CCDC178: variants seen among roughly 807,000 people sequenced by gnomAD.
The protein encoded by CCDC178 is coiled-coil domain containing 178.
Under a neutral mutation model 117.4 loss-of-function variants are expected in CCDC178, and 126 were observed. The observed-to-expected ratio is 1.07, with a 90% CI of 0.93 to 1.24. The LOEUF (loss-of-function observed/expected upper bound fraction) is 1.24, where lower values mean the gene tolerates loss of function less well. Ranked by LOEUF, CCDC178 falls within the 50% of genes most tolerant of loss-of-function variation. CCDC178 has a pLI of 0.00. For synonymous variants in CCDC178, 283 were observed against 313.4 expected, an observed-to-expected ratio of 0.90 and a Z score of 1.02; for missense variants, 1,030 against 986.9, an observed-to-expected ratio of 1.04 and a Z score of -0.59.
intron 14 of CCDC178, among the ~76,000 whole-genome samples, chr18:33,265,002 A>G (rs964245797): frequency 3.9e-5 from 6 of 152,030 alleles, no homozygotes; most frequent in African/African-American, 1.4e-4. Flanking sequence ...GACTCTTCAG[A>G]TGTTTGTTTG....
intron 2 of CCDC178, among the ~76,000 whole-genome samples, chr18:33,425,945 A>C (rs753777768): frequency 6.6e-6 from 1 of 152,098 alleles, no homozygotes; most frequent in Non-Finnish European, 1.5e-5. Context: ...TTTTCATCTC[A>C]TCTCTGTAGA....
intron 14 of CCDC178, among the ~76,000 whole-genome samples, chr18:33,257,749 C>T (rs529977499): frequency 5.8e-4 from 88 of 152,202 alleles, no homozygotes; most frequent in African/African-American, 2.0e-3. Context: ...ACATCTCAAA[C>T]TGTCCCATTG....
chr18:33,154,839 A>G (rs958885246), intron 20 of CCDC178, among the ~76,000 whole-genome samples: 2 of 152,274 alleles, frequency 1.3e-5, no homozygotes, highest in Admixed American at 6.5e-5. Context: ...TTAAAAAGAT[A>G]TAACAGTCAT....
intron 20 of CCDC178, among the ~76,000 whole-genome samples, chr18:33,196,491 C>T (rs558990798): frequency 3.9e-5 from 6 of 152,210 alleles, no homozygotes; most frequent in African/African-American, 7.2e-5. Flanking sequence ...TTCTGAATTT[C>T]GTGAGCTTTC....
intron 21 of CCDC178, among the ~76,000 whole-genome samples, chr18:33,058,264 G>A (rs1158559344): frequency 3.9e-5 from 6 of 152,164 alleles, no homozygotes; most frequent in East Asian, 1.9e-4. Context: ...ATCACCTAAG[G>A]AGTGATTTAA....
At chr18:33,124,457 A>G (rs1598907719) in intron 20 of CCDC178, among the ~76,000 whole-genome samples, 1 of 152,182 alleles carries the variant, frequency 6.6e-6, no homozygotes, top group Non-Finnish European at 1.5e-5. Flanking sequence ...GCCAATAAAT[A>G]GCTGATACCA....
intron 20 of CCDC178, among the ~76,000 whole-genome samples, chr18:33,161,663 A>G (rs887370915): frequency 5.9e-5 from 9 of 152,168 alleles, no homozygotes; most frequent in Non-Finnish European, 1.3e-4. Flanking sequence ...CTATCCATTC[A>G]CAATTACCTT....
chr18:32,988,906 A>G (rs1387796035), intron 21 of CCDC178, among the ~76,000 whole-genome samples: 4 of 152,110 alleles, frequency 2.6e-5, no homozygotes, highest in Non-Finnish European at 5.9e-5. Flanking sequence ...ACAGAACTTA[A>G]ACTGACTTGT....
intron 5 of CCDC178, among the ~76,000 whole-genome samples, chr18:33,379,125 A>T (rs1478350368): frequency 0.015 from 103 of 6,796 alleles, 1 homozygote; most frequent in African/African-American, 0.016. Context: ...ATATATATAT[A>T]ATATATATAT....
rs368206055 is a variant in CCDC178, at chr18:33,341,902, G to A, written c.658+4309C>T. ...TATTAAAAATTTACTGACAACTTTG[G>A]GCTTAAACAGTTTGGCATGGATTAA... On this transcript the variant is annotated intron_variant, in intron 9 of 22. Transcript: ENST00000383096. Among the ~76,000 whole-genome samples, 8 of 152,046 alleles carry A rather than the reference G, an allele frequency of 5.3e-5. No homozygotes were observed. The South Asian group carries it at 8.3e-4, about 16-fold the overall frequency.
chr18:33,062,262 A>T (rs996029746), intron 21 of CCDC178, among the ~76,000 whole-genome samples: 2 of 152,242 alleles, frequency 1.3e-5, no homozygotes, highest in African/African-American at 4.8e-5. Flanking sequence ...ATGTTAAGGT[A>T]CTGGCAAGAA....
chr18:33,203,376 G>T (rs1568053554), intron 20 of CCDC178, among the ~76,000 whole-genome samples: 1 of 151,474 alleles, frequency 6.6e-6, no homozygotes, highest in East Asian at 1.9e-4. Context: ...TTTTTATTAG[G>T]CATTATCTTC....
chr18:33,422,934 T>G (rs931015182), intron 2 of CCDC178, among the ~76,000 whole-genome samples: 1 of 152,212 alleles, frequency 6.6e-6, no homozygotes. Context: ...ATATGACACA[T>G]ATACATCTTT....
chr18:33,440,626 G>C lies in CCDC178; in HGVS notation c.-143+27C>G, dbSNP rs2064373877. ...CCCGCGCCGAGGCACAAGCGCCCGC[G>C]CCGAGGCACAAGCGCCCCCGACTCA... On this transcript the variant is annotated intron_variant, in intron 1 of 22. Transcript: ENST00000383096. 4.6e-5 allele frequency: 7 copies of C among 152,136 alleles called. No individual in the cohort carries two copies. The South Asian group carries it at 1.4e-3, about 31-fold the overall frequency. The allele number at this position is 152,136 out of a possible 1,614,324, so 9.4% of individuals were successfully genotyped here. A position where few individuals can be genotyped will look rare whatever the true frequency, so the allele number is the denominator to read the frequency against.
intron 5 of CCDC178, among the ~76,000 whole-genome samples, chr18:33,385,178 T>C (rs559334614): frequency 5.3e-5 from 8 of 152,328 alleles, no homozygotes; most frequent in African/African-American, 1.9e-4. Context: ...ATCCTAAATA[T>C]ATGTGTACCC....
chr18:33,315,755 C>A (rs889528249), intron 11 of CCDC178, among the ~76,000 whole-genome samples: 1 of 152,108 alleles, frequency 6.6e-6, no homozygotes, highest in African/African-American at 2.4e-5. Flanking sequence ...GCATTCCTGG[C>A]CTCTAGATGT....
At position 33,215,640 on chromosome 18, in the gene CCDC178, A is replaced by G. The variant is rs1431584784; in HGVS notation, c.1988T>C (p.Ile663Thr). Residue 663 changes from isoleucine (I) to threonine (T), a missense_variant, in exon 19 of 23, where the codon ATT (isoleucine) becomes ACT (threonine). Physicochemically the swap from Ile to Thr is moderately conservative, Grantham distance 89 (BLOSUM62 -1). Transcript: ENST00000383096. ...CAATTCATTTATTTTTGCATAAAAA[A>G]TCATTGTCTTACTTTTAGTTGCTTC... ...DLEATKSKTM[I>T]FYAKINELNE... is the part of the protein sequence containing the mutation. The G allele has an allele frequency of 3.3e-6, 5 of 1,536,504 alleles. No individual in the cohort carries two copies. The highest frequency in any genetic ancestry group is 4.4e-6 in the Non-Finnish European group (5 of 1,149,118).
chr18:33,236,175 G>C (rs528044482), intron 15 of CCDC178, among the ~76,000 whole-genome samples: 26 of 152,206 alleles, frequency 1.7e-4, no homozygotes, highest in African/African-American at 5.8e-4. Flanking sequence ...TTAATTTCTA[G>C]ATGATGGATT....
intron 20 of CCDC178, among the ~76,000 whole-genome samples, chr18:33,150,305 A>G (rs1463097030): frequency 2.6e-5 from 4 of 152,074 alleles, no homozygotes; most frequent in Non-Finnish European, 1.5e-5. Flanking sequence ...CACTGAAAAA[A>G]CTCTTCCAGG....
Sources: allele counts gnomAD v4.1 joint callset (sites outside exome capture counted in the v4.1 genomes callset), GRCh38; gene constraint gnomAD v4.1.1; transcripts MANE v1.5; gene names NCBI Gene and HGNC (gene_info 2026-07-23, HGNC 2026-07-21).